The following CLSTN2 variants were observed in gnomAD, a reference collection of about 807,000 sequenced individuals.
CLSTN2 encodes calsyntenin-2.
Under a neutral mutation model 101.2 loss-of-function variants are expected in CLSTN2, and 48 were observed. The ratio of observed to expected loss-of-function variants is 0.47; its 90% CI spans 0.38 to 0.60. CLSTN2 has a LOEUF of 0.60. Ranked by LOEUF, CLSTN2 falls within the 20% of genes least tolerant of loss-of-function variation. The pLI is 0.00. For synonymous variants in CLSTN2, 481 were observed against 463.6 expected (o/e 1.04, Z -0.48); for missense variants, 1,160 against 1,238.2 (o/e 0.94, Z 0.95).
At chr3:140,078,253 G>A (rs950856628) in intron 1 of CLSTN2, among the ~76,000 whole-genome samples, 1 of 152,106 alleles carries the variant, frequency 6.6e-6, no homozygotes, top group African/African-American at 2.4e-5. Flanking sequence ...CCTCCTCAAT[G>A]GGTAAAACAT....
chr3:139,949,411 A>G (rs1935258546), intron 1 of CLSTN2, among the ~76,000 whole-genome samples: 2 of 152,102 alleles, frequency 1.3e-5, no homozygotes, highest in African/African-American at 2.4e-5. Context: ...TCTCCTCAGT[A>G]CACACACATA....
At chr3:140,306,369 G>T (rs1181536594) in intron 2 of CLSTN2, among the ~76,000 whole-genome samples, 1 of 151,746 alleles carries the variant, frequency 6.6e-6, no homozygotes, top group Non-Finnish European at 1.5e-5. Flanking sequence ...CCTTCCCACA[G>T]CATCGTAATT....
At position 139,958,633 on chromosome 3, in the gene CLSTN2, G is replaced by A. The variant is rs540658258; in HGVS notation, c.109+23150G>A. On this transcript the variant is annotated intron_variant, in intron 1 of 16. Coordinates refer to ENST00000458420, the MANE Select transcript of CLSTN2 (RefSeq NM_022131.3). The stretch of plus-strand genomic sequence containing the variant: ...TGGGAACCTGCAGAGAAGCACACCT[G>A]GCAGCTCTGTGCTCCTTCTAAGTGG... Among the ~76,000 whole-genome samples, 278 of 151,822 alleles carry A rather than the reference G, an allele frequency of 1.8e-3. 1 individual carries two copies. Among genetic ancestry groups the A allele is most frequent in the African/African-American group, 6.4e-3 (265 of 41,420 alleles).
chr3:139,983,328 C>A (rs1279291119), intron 1 of CLSTN2, among the ~76,000 whole-genome samples: 1 of 152,140 alleles, frequency 6.6e-6, no homozygotes, highest in Non-Finnish European at 1.5e-5. Context: ...TTAGTATAAT[C>A]TAACCACATT....
At chr3:139,973,289 C>G (rs1191265482) in intron 1 of CLSTN2, among the ~76,000 whole-genome samples, 1 of 152,234 alleles carries the variant, frequency 6.6e-6, no homozygotes, top group East Asian at 1.9e-4. Context: ...CATAATGTGG[C>G]TGAGAAGCAA....
rs78658245 is a variant in CLSTN2 at position 140,542,346 on chromosome 3, G to C, written c.1508-4169G>C. Among the ~76,000 whole-genome samples the C allele has an allele frequency of 8.0e-4, 122 of 152,250 alleles. No homozygotes were observed. In the East Asian group the frequency reaches 0.014, roughly 17 times the overall value. On this transcript the variant is annotated intron_variant, in intron 9 of 16. Transcript: ENST00000458420. Reference sequence around the variant, plus strand: ...AATCTAACAGAAGGCTAGTCATACAGAAAATGCTTTAAAAATGGGTGCAGA... The same window carrying C: ...AATCTAACAGAAGGCTAGTCATACACAAAATGCTTTAAAAATGGGTGCAGA...
At chr3:140,561,146 TATAA>T (rs1296095892) in intron 12 of CLSTN2, among the ~76,000 whole-genome samples, 2 of 152,104 alleles carry the variant, frequency 1.3e-5, no homozygotes, top group Non-Finnish European at 2.9e-5. Context: ...TAGTACACTT[TATAA>T]ATAAATAAAT....
At chr3:140,517,503 A>C (rs1372168469) in intron 8 of CLSTN2, among the ~76,000 whole-genome samples, 1 of 152,190 alleles carries the variant, frequency 6.6e-6, no homozygotes, top group Non-Finnish European at 1.5e-5. Context: ...TTTTGTCCCA[A>C]GGGGTACTTC....
In CLSTN2 at chr3:140,066,681, G is replaced by A. The variant is rs573370760; in HGVS notation, c.110-109270G>A. ...GTGGGGGAACTCTACTTAGGCTCCC[G>A]ATATATTAAGCAAAAGCAGTAGGTT... On this transcript the variant is annotated intron_variant, in intron 1 of 16. Coordinates refer to ENST00000458420, the MANE Select transcript of CLSTN2 (RefSeq NM_022131.3). Among the ~76,000 whole-genome samples the A allele has an allele frequency of 1.4e-4, 22 of 152,280 alleles. No homozygotes were observed. In the East Asian group the frequency reaches 3.3e-3, roughly 23 times the overall value.
chr3:140,154,372 AAGG>A (rs1320744824), intron 1 of CLSTN2, among the ~76,000 whole-genome samples: 1 of 151,906 alleles, frequency 6.6e-6, no homozygotes, highest in Non-Finnish European at 1.5e-5. Context: ...GGGGTGAGGG[AAGG>A]TGGTAGGAGA....
chr3:140,512,490 C>T (rs900262069), intron 8 of CLSTN2, among the ~76,000 whole-genome samples: 4 of 152,098 alleles, frequency 2.6e-5, no homozygotes, highest in Non-Finnish European at 5.9e-5. Context: ...GTTTTGGTTA[C>T]CAGCATCATT....
At chr3:140,249,106 A>G (rs193066385) in intron 2 of CLSTN2, among the ~76,000 whole-genome samples, 3 of 152,174 alleles carry the variant, frequency 2.0e-5, no homozygotes, top group East Asian at 1.9e-4. Context: ...GCACAACCCT[A>G]TGACTACTGG....
At chr3:140,285,604 G>T (rs571000217) in intron 2 of CLSTN2, among the ~76,000 whole-genome samples, 237 of 152,260 alleles carry the variant, frequency 1.6e-3, no homozygotes, top group Admixed American at 1.6e-3. Context: ...CTCCCAGAAG[G>T]CTTGTTAAAC....
intron 8 of CLSTN2, among the ~76,000 whole-genome samples, chr3:140,510,362 T>G (rs1475490389): frequency 2.6e-5 from 4 of 152,182 alleles, no homozygotes; most frequent in Admixed American, 1.3e-4. Context: ...AAAAAACCCC[T>G]GCTGATTATG....
At chr3:140,015,933 G>A (rs1452371913) in intron 1 of CLSTN2, among the ~76,000 whole-genome samples, 3 of 152,224 alleles carry the variant, frequency 2.0e-5, no homozygotes, top group African/African-American at 2.4e-5. Context: ...AGGAACATTG[G>A]CCAGTATCTG....
intron 2 of CLSTN2, among the ~76,000 whole-genome samples, chr3:140,313,188 T>C (rs909392521): frequency 1.3e-5 from 2 of 152,156 alleles, no homozygotes; most frequent in Non-Finnish European, 2.9e-5. Flanking sequence ...GTGGAACAAA[T>C]TGTTTTACAG....
intron 1 of CLSTN2, among the ~76,000 whole-genome samples, chr3:140,111,108 GT>G (rs945271973): frequency 6.6e-6 from 1 of 152,154 alleles, no homozygotes; most frequent in Non-Finnish European, 1.5e-5. Flanking sequence ...CATTCTTGAG[GT>G]CACTGCTATT....
At position 140,460,317 on chromosome 3, in the gene CLSTN2, C is replaced by A. The variant is rs1933528790; in HGVS notation, c.1222+548C>A. On this transcript the variant is annotated intron_variant, in intron 7 of 16. Coordinates refer to ENST00000458420, the MANE Select transcript of CLSTN2 (RefSeq NM_022131.3). ...GTTCACGGCTTGGTGGTTAAAAGTC[C>A]CCTAACACTGATTAGCTAGGTAACT... 2.5e-5 allele frequency: 4 copies of A among 158,886 alleles called. No homozygotes were observed. The South Asian group carries it at 7.3e-4, about 29-fold the overall frequency. The allele number at this position is 158,886 out of a possible 1,614,324, so 9.8% of individuals were successfully genotyped here.
At chr3:139,982,475 T>C (rs577258718) in intron 1 of CLSTN2, among the ~76,000 whole-genome samples, 1 of 152,282 alleles carries the variant, frequency 6.6e-6, no homozygotes, top group South Asian at 2.1e-4. Context: ...GAATATTTAA[T>C]AGCTGCAAAT....
Sources: gnomAD v4.1 joint callset for allele counts (sites outside exome capture counted in the v4.1 genomes callset) on GRCh38, gnomAD v4.1.1 for gene constraint, MANE v1.5 for transcripts, NCBI Gene and HGNC (gene_info 2026-07-23, HGNC 2026-07-21) for gene names.